Variants in CRHR1 observed in about 807,000 individuals in gnomAD.
CRHR1 encodes corticotropin-releasing hormone receptor 1.
CRHR1 carries 28 observed loss-of-function variants against 56.0 expected under a neutral mutation model. The observed-to-expected ratio is 0.50, with a 90% CI of 0.37 to 0.69. The LOEUF (loss-of-function observed/expected upper bound fraction) is 0.69, where lower values mean the gene tolerates loss of function less well. Ranked by LOEUF, CRHR1 falls within the 30% of genes least tolerant of loss-of-function variation. CRHR1 has a pLI of 0.00. For missense variants in CRHR1, 376 were observed against 548.0 expected (o/e 0.69, Z 3.13); for synonymous variants, 195 against 216.5 (o/e 0.90, Z 0.87).
chr17:45,830,231 G>A lies in CRHR1; in HGVS notation c.555+17G>A, dbSNP rs765195206. 3 of 1,613,510 alleles carry A rather than the reference G, an allele frequency of 1.9e-6. No homozygotes were observed. Among genetic ancestry groups the A allele is most frequent in the South Asian group, 1.1e-5 (1 of 91,048 alleles). On this transcript the variant is annotated intron_variant, in intron 6 of 12. Coordinates refer to ENST00000314537, the MANE Select transcript of CRHR1 (RefSeq NM_004382.5). ...AGCAACGTGGTACGTCCTGGCAGGGGAGCGGGGAGCAGGTCAGGCCAAACC... is the reference window on the plus strand; with the variant it reads ...AGCAACGTGGTACGTCCTGGCAGGGAAGCGGGGAGCAGGTCAGGCCAAACC...
At chr17:45,798,985 G>A (rs1266471943) in intron 1 of CRHR1, among the ~76,000 whole-genome samples, 4 of 152,240 alleles carry the variant, frequency 2.6e-5, no homozygotes, top group Admixed American at 6.5e-5. Flanking sequence ...CTTGAGATGG[G>A]AACTGGTTGT....
chr17:45,809,794 G>A (rs957546942), intron 2 of CRHR1, among the ~76,000 whole-genome samples: 1 of 152,222 alleles, frequency 6.6e-6, no homozygotes, highest in Non-Finnish European at 1.5e-5. Flanking sequence ...GGAGAGAGTG[G>A]GTCCCCAGGG....
At chr17:45,805,583 T>A (rs965086384) in intron 1 of CRHR1, among the ~76,000 whole-genome samples, 1 of 151,778 alleles carries the variant, frequency 6.6e-6, no homozygotes, top group Non-Finnish European at 1.5e-5. Flanking sequence ...GGCCATGGGG[T>A]TGGGGGCCTC....
chr17:45,833,693 T>TGGGGGGGGGGGGCC, intron 10 of CRHR1, 21 bp from the exon 11 acceptor site: 17 of 1,571,566 alleles, frequency 1.1e-5, no homozygotes, highest in Non-Finnish European at 1.4e-5. Flanking sequence ...ACTCCGAGCC[T>TGGGGGGGGGGGGCC]CCCCACCCGC....
intron 1 of CRHR1, among the ~76,000 whole-genome samples, chr17:45,798,769 C>A (rs969499255): frequency 6.6e-6 from 1 of 152,172 alleles, no homozygotes; most frequent in Admixed American, 6.5e-5. Flanking sequence ...CACCCTGAGC[C>A]GGGGCCCCAG....
intron 1 of CRHR1, among the ~76,000 whole-genome samples, chr17:45,802,647 T>G (rs957836185): frequency 1.1e-4 from 16 of 152,272 alleles, no homozygotes; most frequent in African/African-American, 3.9e-4. Flanking sequence ...AAGGTTGGTT[T>G]GGGAATTTTA....
At chr17:45,794,710 T>C (rs552002036) in intron 1 of CRHR1, among the ~76,000 whole-genome samples, 1 of 152,318 alleles carries the variant, frequency 6.6e-6, no homozygotes, top group Admixed American at 6.5e-5. Flanking sequence ...CCATGATCAG[T>C]GGTCGCAGCC....
At position 45,787,111 on chromosome 17, in the gene CRHR1, G is replaced by T. The variant is rs115440445; in HGVS notation, c.33+2534G>T. Among the ~76,000 whole-genome samples, 790 of 152,234 alleles carry T rather than the reference G, an allele frequency of 5.2e-3. 7 individuals carry two copies. Among genetic ancestry groups the T allele is most frequent in the African/African-American group, 0.018 (740 of 41,524 alleles). ...AGTGTTGGGAAAGGGTCCACTCTGGGGCCTATATTGTGGGCCTCACACTAT... is the reference window on the plus strand; with the variant it reads ...AGTGTTGGGAAAGGGTCCACTCTGGTGCCTATATTGTGGGCCTCACACTAT... On this transcript the variant is annotated intron_variant, in intron 1 of 12. Coordinates refer to ENST00000314537, the MANE Select transcript of CRHR1 (RefSeq NM_004382.5).
chr17:45,790,102 A>C (rs2061401479), intron 1 of CRHR1, among the ~76,000 whole-genome samples: 3 of 152,306 alleles, frequency 2.0e-5, no homozygotes, highest in South Asian at 2.1e-4. Flanking sequence ...GCGTCAGAGC[A>C]CTTTTCACAG....
At chr17:45,799,948 C>G in intron 1 of CRHR1, 1 of 152,972 alleles carries the variant, frequency 6.5e-6, no homozygotes, top group Non-Finnish European at 1.5e-5. Flanking sequence ...AGGACCCTCC[C>G]CTTGCCGGGA....
chr17:45,829,099 G>T, intron 4 of CRHR1, 116 bp from the exon 5 acceptor site: 3 of 741,228 alleles, frequency 4.0e-6, no homozygotes, highest in South Asian at 1.7e-5. Context: ...GCTCAGGAAG[G>T]GGGAGTGGCC....
chr17:45,816,394 A>T, intron 2 of CRHR1, 69 bp from the exon 3 acceptor site: 8 of 1,592,266 alleles, frequency 5.0e-6, no homozygotes, highest in Non-Finnish European at 6.8e-6. Flanking sequence ...GAACTCTGGA[A>T]TGTCCTCTGC....
intron 2 of CRHR1, among the ~76,000 whole-genome samples, chr17:45,813,997 C>T (rs1176608354): frequency 6.6e-6 from 1 of 152,252 alleles, no homozygotes; most frequent in East Asian, 1.9e-4. Context: ...AGTGGCTGGC[C>T]TCTGCCTCGG....
intron 4 of CRHR1, chr17:45,826,555 T>G (rs1468666007): frequency 6.6e-6 from 1 of 152,224 alleles, no homozygotes; most frequent in Non-Finnish European, 1.5e-5. Context: ...TCCCTCAGGC[T>G]CTTGGAGGAA....
chr17:45,816,353 G>A, intron 2 of CRHR1, 110 bp from the exon 3 acceptor site: 1 of 1,439,498 alleles, frequency 6.9e-7, no homozygotes, highest in Non-Finnish European at 9.4e-7. Context: ...TCCCTAGCTG[G>A]TGTGAGTGGG....
chr17:45,795,137 G>A (rs143617847), intron 1 of CRHR1, among the ~76,000 whole-genome samples: 61 of 152,318 alleles, frequency 4.0e-4, no homozygotes, highest in African/African-American at 1.4e-3. Flanking sequence ...AGGAAAGGTC[G>A]TTTCCACCAG....
intron 2 of CRHR1, among the ~76,000 whole-genome samples, chr17:45,815,952 G>A (rs1439352276): frequency 3.3e-5 from 5 of 152,194 alleles, no homozygotes; most frequent in East Asian, 3.8e-4. Flanking sequence ...CAGGCCAGCC[G>A]GAAGGAGGGC....
intron 7 of CRHR1, 103 bp from the exon 8 acceptor site, chr17:45,830,777 G>C: frequency 7.7e-7 from 1 of 1,299,680 alleles, no homozygotes; most frequent in South Asian, 1.4e-5. Context: ...GATCCACCCT[G>C]AGTAACCCCA....
chr17:45,800,167 T>C (rs925130849), intron 1 of CRHR1: 1 of 152,412 alleles, frequency 6.6e-6, no homozygotes, highest in African/African-American at 2.4e-5. Flanking sequence ...CTTTCCTTTT[T>C]TCCAAATCAT....
Sources: gnomAD v4.1 joint callset for allele counts (sites outside exome capture counted in the v4.1 genomes callset) on GRCh38, gnomAD v4.1.1 for gene constraint, MANE v1.5 for transcripts, NCBI Gene and HGNC (gene_info 2026-07-23, HGNC 2026-07-21) for gene names.